The following RARA variants were observed in gnomAD, a reference collection of about 807,000 sequenced individuals.
RARA encodes the protein PML-DDX5-RARA fusion.
RARA carries 5 observed loss-of-function variants against 42.8 expected under a neutral mutation model. That is an observed-to-expected ratio of 0.12 (90% CI 0.06 to 0.25). RARA has a LOEUF of 0.25. Among genes scored for constraint, RARA ranks in the 10% least tolerant of loss-of-function variants. RARA has a pLI of 1.00. For missense variants in RARA, 402 were observed against 628.7 expected, an observed-to-expected ratio of 0.64 and a Z score of 3.86; for synonymous variants, 256 against 259.5, an observed-to-expected ratio of 0.99 and a Z score of 0.13.
intron 3 of RARA, chr17:40,348,773 C>T: frequency 8.3e-6 from 2 of 240,724 alleles, no homozygotes; most frequent in Non-Finnish European, 1.6e-5. Context: ...GAGCTGGCTG[C>T]CGACTGGCTC....
chr17:40,326,606 C>T lies in RARA; in HGVS notation c.-362-4251C>T, dbSNP rs555837979. The T allele has an allele frequency of 6.6e-6, 1 of 152,380 alleles. No homozygotes were observed. The highest frequency in any genetic ancestry group is 2.4e-5 in the African/African-American group (1 of 41,508). 9.4% of individuals were successfully genotyped at this position (152,380 alleles called of 1,614,324 possible). ...GGGGCTGGTTGCAGGTGCTCTAGCCCCCTACCCCTTTTTCTGCTGTGCTTA... is the reference window on the plus strand; with the variant it reads ...GGGGCTGGTTGCAGGTGCTCTAGCCTCCTACCCCTTTTTCTGCTGTGCTTA... On this transcript the variant is annotated intron_variant, in intron 1 of 8. Transcript: ENST00000254066. This position sits in a 1 kb window ranked among gnomAD's most constrained non-coding sequence, Gnocchi z 5.2.
chr17:40,332,802 T>G (rs1275878914), intron 2 of RARA, among the ~76,000 whole-genome samples: 5 of 152,238 alleles, frequency 3.3e-5, no homozygotes, highest in Admixed American at 6.5e-5. Context: ...CTGCTGTCTC[T>G]TCTCTCCACC....
In RARA at chr17:40,351,655, G is replaced by A. The variant is rs1041809128; in HGVS notation, c.470-255G>A. On this transcript the variant is annotated intron_variant, in intron 4 of 8. Transcript: ENST00000254066. The surrounding 1 kb of genome is among the most constrained non-coding windows in gnomAD (Gnocchi z 4.1). ...GGGATAGCATGCGGCTGGCTATGGG[G>A]TGGGGTGGGGGGTGTGTGCAGGGCC... 5.4e-6 allele frequency: 3 copies of A among 560,006 alleles called. No homozygotes were observed. The highest frequency in any genetic ancestry group is 1.9e-5 in the African/African-American group (1 of 53,042). 34.7% of individuals were successfully genotyped at this position (560,006 alleles called of 1,614,324 possible). A position where few individuals can be genotyped will look rare whatever the true frequency, so the allele number is the denominator to read the frequency against.
At position 40,351,596 on chromosome 17, in the gene RARA, G is replaced by C; in HGVS notation, c.470-314G>C. ...GAGGCAGAGCACCTAGGAGGGCACCGTCGCCTGGAGTGTGAGCTGGAGTAG... is the reference window on the plus strand; with the variant it reads ...GAGGCAGAGCACCTAGGAGGGCACCCTCGCCTGGAGTGTGAGCTGGAGTAG... On this transcript the variant is annotated intron_variant, in intron 4 of 8. Transcript: ENST00000254066. This position sits in a 1 kb window ranked among gnomAD's most constrained non-coding sequence, Gnocchi z 4.1. The C allele has an allele frequency of 2.1e-6, 1 of 476,436 alleles. No individual in the cohort carries two copies. Among genetic ancestry groups the C allele is most frequent in the Non-Finnish European group, 4.1e-6 (1 of 244,642 alleles). The allele number at this position is 476,436 out of a possible 1,614,324, so 29.5% of individuals were successfully genotyped here.
chr17:40,356,223 G>A lies in RARA; in HGVS notation c.1386G>A (p.Pro462=), dbSNP rs776342037. The A allele has an allele frequency of 1.2e-5, 18 of 1,549,690 alleles. No homozygotes were observed. In the East Asian group the frequency reaches 1.7e-4, roughly 15 times the overall value. The change falls in exon 9 of 9, where the codon CCG becomes CCA. Residue 462 remains proline, a synonymous_variant. Transcript: ENST00000254066. ...GAAGCAGCCCGGCCACCCACTCCCC[G>A]TGACCGCCCACGCCACATGGACACA... ...SNRSSPATHS[P]
intron 2 of RARA, chr17:40,341,686 C>T: frequency 7.5e-7 from 1 of 1,333,400 alleles, no homozygotes. Flanking sequence ...TTGCATTAGG[C>T]AAATGAGGCC....
chr17:40,336,205 G>A (rs1229284801), intron 2 of RARA, among the ~76,000 whole-genome samples: 1 of 152,026 alleles, frequency 6.6e-6, no homozygotes. Context: ...AGCCTCCTGA[G>A]TAGCTGGGAT....
intron 1 of RARA, among the ~76,000 whole-genome samples, chr17:40,325,885 C>T (rs1300726657): frequency 1.3e-5 from 2 of 152,156 alleles, no homozygotes; most frequent in Non-Finnish European, 2.9e-5. Context: ...TGGGGCCAGT[C>T]CCGGCTGAGT....
intron 2 of RARA, among the ~76,000 whole-genome samples, chr17:40,334,006 AC>A (rs1432393137): frequency 6.6e-6 from 1 of 152,160 alleles, no homozygotes; most frequent in African/African-American, 2.4e-5. Flanking sequence ...ACTTGTCCTA[AC>A]CCAGGTGATG....
chr17:40,316,785 G>T (rs2143171251), intron 1 of RARA, among the ~76,000 whole-genome samples: 1 of 139,826 alleles, frequency 7.2e-6, no homozygotes, highest in South Asian at 2.6e-4. Flanking sequence ...CTGAGCGCAT[G>T]TTTGCGGATG....
At chr17:40,343,041 C>G (rs558872093) in intron 2 of RARA, 4 of 1,329,260 alleles carry the variant, frequency 3.0e-6, no homozygotes, top group Non-Finnish European at 3.9e-6. Flanking sequence ...ACCCTCCCCC[C>G]AGTAACCCTA....
intron 2 of RARA, among the ~76,000 whole-genome samples, chr17:40,347,561 T>A (rs2034307969): frequency 6.6e-6 from 1 of 152,138 alleles, no homozygotes; most frequent in African/African-American, 2.4e-5. Context: ...GGACATAGTA[T>A]TGAGGCCAGA....
intron 2 of RARA, chr17:40,341,887 C>G: frequency 9.6e-7 from 1 of 1,044,712 alleles, no homozygotes; most frequent in Non-Finnish European, 1.2e-6. Context: ...CAGCCCCCTC[C>G]TCTCCCTGTA....
At chr17:40,334,833 G>A (rs1237681422) in intron 2 of RARA, among the ~76,000 whole-genome samples, 2 of 152,166 alleles carry the variant, frequency 1.3e-5, no homozygotes, top group Non-Finnish European at 2.9e-5. Context: ...TGGCCTGGGT[G>A]CGCCCTTCAG....
rs906710051 is a variant in RARA, at chr17:40,352,324, C to T, written c.631-7C>T. The T allele has an allele frequency of 5.0e-6, 8 of 1,593,628 alleles. No individual in the cohort carries two copies. The highest frequency in any genetic ancestry group is 1.1e-5 in the South Asian group (1 of 88,378). On this transcript the variant is annotated splice_polypyrimidine_tract_variant and splice_region_variant and intron_variant, in intron 5 of 8. Transcript: ENST00000254066. This position sits in a 1 kb window ranked among gnomAD's most constrained non-coding sequence, Gnocchi z 4.9. The stretch of plus-strand genomic sequence containing the variant: ...GAAGAAGGCCCTCACTCTCCCTCCT[C>T]CCCCAGAACAACAGCTCAGAACAAC...
At chr17:40,333,965 T>C (rs561350302) in intron 2 of RARA, among the ~76,000 whole-genome samples, 2 of 151,802 alleles carry the variant, frequency 1.3e-5, no homozygotes, top group South Asian at 4.2e-4. Context: ...GGGGGAGGAG[T>C]TAGGGACCTG....
intron 2 of RARA, chr17:40,342,213 G>T: frequency 9.5e-7 from 1 of 1,054,268 alleles, no homozygotes; most frequent in Non-Finnish European, 1.1e-6. Context: ...CTGGCCTGGC[G>T]GGGGCGGAAC....
At chr17:40,312,994 C>T (rs2033126246) in intron 1 of RARA, among the ~76,000 whole-genome samples, 1 of 152,194 alleles carries the variant, frequency 6.6e-6, no homozygotes, top group African/African-American at 2.4e-5. Flanking sequence ...CTTTTTTGTG[C>T]AGGGTCTCTG....
rs1474086717 is a variant in RARA at position 40,357,619 on chromosome 17, A to C, written c.*1393A>C. 3 of 227,972 alleles carry C rather than the reference A, an allele frequency of 1.3e-5. No homozygotes were observed. Among genetic ancestry groups the C allele is most frequent in the Non-Finnish European group, 2.6e-5 (3 of 114,760 alleles). The allele number at this position is 227,972 out of a possible 1,614,324, so 14.1% of individuals were successfully genotyped here. A position where few individuals can be genotyped will look rare whatever the true frequency, so the allele number is the denominator to read the frequency against. On this transcript the variant is annotated 3_prime_UTR_variant, in exon 9 of 9. Transcript: ENST00000254066. ...GGCTTTCCACTGAGATCTACTGGAT[A>C]AAGAATAAAGTTCTATTTATTCTAC...
Sources: gnomAD v4.1 joint callset for allele counts (sites outside exome capture counted in the v4.1 genomes callset) on GRCh38, gnomAD v4.1.1 for gene constraint, Gnocchi (gnomAD v3.1) non-coding constraint, MANE v1.5 for transcripts, NCBI Gene and HGNC (gene_info 2026-07-23, HGNC 2026-07-21) for gene names.